SCAF4: variants seen among roughly 807,000 people sequenced by gnomAD.
The protein encoded by SCAF4 is SR-related and CTD-associated factor 4.
A neutral mutation model predicts 129.8 loss-of-function variants in SCAF4; 25 were observed. The ratio of observed to expected loss-of-function variants is 0.19; its 90% CI spans 0.14 to 0.27. The LOEUF is 0.27. Ranked by LOEUF, SCAF4 falls within the 10% of genes least tolerant of loss-of-function variation. The pLI, the probability that SCAF4 is intolerant of heterozygous loss-of-function variation, is 1.00. For synonymous variants in SCAF4, 551 were observed against 497.7 expected, an observed-to-expected ratio of 1.11 and a Z score of -1.43; for missense variants, 1,246 against 1,457.1, an observed-to-expected ratio of 0.86 and a Z score of 2.36.
intron 5 of SCAF4, 135 bp downstream of exon 5, chr21:31,702,109 G>A (rs1185259311): frequency 7.3e-7 from 1 of 1,364,656 alleles, no homozygotes; most frequent in African/African-American, 1.5e-5. Context: ...ATTATGGAAA[G>A]AAAATCATAC....
chr21:31,694,133 A>G (rs936855338), intron 11 of SCAF4, 71 bp downstream of exon 11: 1 of 818,088 alleles, frequency 1.2e-6, no homozygotes, highest in African/African-American at 1.7e-5. Flanking sequence ...TCTGAAAATA[A>G]CCCAATCTAA....
intron 1 of SCAF4, among the ~76,000 whole-genome samples, chr21:31,731,048 T>C (rs1209970136): frequency 6.6e-6 from 1 of 152,224 alleles, no homozygotes; most frequent in Non-Finnish European, 1.5e-5. Context: ...CTTTAAATTA[T>C]AACGAGCCAC....
In SCAF4 at chr21:31,717,906, C is replaced by CACATATAT. The variant is rs1432809680; in HGVS notation, c.31-11550_31-11549insATATATGT. Among the ~76,000 whole-genome samples the CACATATAT allele has an allele frequency of 2.7e-3, 120 of 44,100 alleles. 1 individual carries two copies. The highest frequency in any genetic ancestry group is 8.3e-3 in the African/African-American group (115 of 13,818). 28.9% of individuals were successfully genotyped at this position (44,100 alleles called of 152,430 possible). On this transcript the variant is annotated intron_variant, in intron 1 of 19. Coordinates refer to ENST00000286835, the MANE Select transcript of SCAF4 (RefSeq NM_020706.2). ...ATATACACATATATACACATATATA[C>CACATATAT]ACACACACACACACACACACACACA...
intron 1 of SCAF4, among the ~76,000 whole-genome samples, chr21:31,708,068 GCTCA>G (rs763169337): frequency 1.3e-3 from 195 of 152,150 alleles, no homozygotes; most frequent in Admixed American, 3.3e-3. Context: ...AGAATAAAAC[GCTCA>G]CTAACTGAAA....
At chr21:31,704,852 T>C (rs908792582) in intron 3 of SCAF4, among the ~76,000 whole-genome samples, 1 of 152,212 alleles carries the variant, frequency 6.6e-6, no homozygotes, top group South Asian at 2.1e-4. Flanking sequence ...TTAACTTTTA[T>C]ACCTAAGCCA....
intron 19 of SCAF4, among the ~76,000 whole-genome samples, chr21:31,679,098 G>C (rs73351380): frequency 0.023 from 3,528 of 152,208 alleles, 125 homozygotes; most frequent in African/African-American, 0.08. Flanking sequence ...TTCCCAGGGT[G>C]GTAAGAATCT....
At position 31,729,944 on chromosome 21, in the gene SCAF4, A is replaced by C. The variant is rs917857247; in HGVS notation, c.30+1719T>G. ...TGATGTCAACTTCCATAATGCCTGA[A>C]TCAGAATACTTCTGATCTTAAGAAT... is the stretch of plus-strand genomic sequence containing the variant. On this transcript the variant is annotated intron_variant, in intron 1 of 19. Transcript: ENST00000286835. Among the ~76,000 whole-genome samples the C allele has an allele frequency of 5.3e-5, 8 of 152,356 alleles. No individual in the cohort carries two copies. The East Asian group carries it at 7.7e-4, about 15-fold the overall frequency.
intron 16 of SCAF4, among the ~76,000 whole-genome samples, chr21:31,687,688 T>G (rs142247476): frequency 6.8e-5 from 10 of 147,818 alleles, no homozygotes; most frequent in African/African-American, 2.5e-4. Flanking sequence ...CATATCCAAG[T>G]TTCTTCAGGA....
At chr21:31,711,876 T>G (rs1458351351) in intron 1 of SCAF4, among the ~76,000 whole-genome samples, 1 of 152,094 alleles carries the variant, frequency 6.6e-6, no homozygotes, top group African/African-American at 2.4e-5. Flanking sequence ...AAGCAACAAG[T>G]TAGAGGCGAT....
chr21:31,688,108 C>G (rs542432432), intron 16 of SCAF4, among the ~76,000 whole-genome samples, 199 bp downstream of exon 16: 18 of 34,120 alleles, frequency 5.3e-4, no homozygotes, highest in African/African-American at 3.5e-3. Flanking sequence ...AAGAGAGACT[C>G]TGTCTCAAAA....
rs2049725714 is a variant in SCAF4 at position 31,672,211 on chromosome 21, G to A, written c.2632C>T (p.Pro878Ser). 1.9e-6 allele frequency: 3 copies of A among 1,609,800 alleles called. No individual in the cohort carries two copies. The highest frequency in any genetic ancestry group is 2.5e-6 in the Non-Finnish European group (3 of 1,177,720). ...PHLQRFPLMP[P>S]RPMPPHMMHR... The stretch of plus-strand genomic sequence containing the variant: ...ATCATGTGCGGTGGCATGGGACGGG[G>A]CGGCATCAAAGGGAACCGCTGTAAG... Residue 878 changes from proline (P) to serine (S), a missense_variant, in exon 20 of 20, where the codon CCC (proline) becomes TCC (serine). Physicochemically the swap from Pro to Ser is moderately conservative, Grantham distance 74. Around this residue, in one of 6 missense-constraint regions of SCAF4, gnomAD observed 468 missense variants for 605.5 expected, o/e 0.77. Coordinates refer to ENST00000286835, the MANE Select transcript of SCAF4 (RefSeq NM_020706.2).
intron 3 of SCAF4, among the ~76,000 whole-genome samples, chr21:31,704,877 T>C (rs2050619200): frequency 1.3e-5 from 2 of 152,190 alleles, no homozygotes; most frequent in Non-Finnish European, 2.9e-5. Context: ...ACAAGGGCCA[T>C]GGATTAGAGA....
At chr21:31,696,811 T>TGCGTGAGCCAGTTTC in intron 7 of SCAF4, 61 bp from the exon 8 acceptor site, 1 of 1,419,794 alleles carries the variant, frequency 7.0e-7, no homozygotes, top group East Asian at 2.3e-5. Flanking sequence ...CACAAAAAAC[T>TGCGTGAGCCAGTTTC]TTATGAAAAC....
intron 1 of SCAF4, chr21:31,706,867 T>C (rs1444919685): frequency 1.8e-5 from 5 of 278,058 alleles, no homozygotes; most frequent in Admixed American, 8.4e-5. Flanking sequence ...CCAAGTCTAC[T>C]CAGTACATAC....
In SCAF4 at chr21:31,688,114, C is replaced by CAAAAAA. The variant is rs61592268; in HGVS notation, c.2043+187_2043+192dup. 9.3e-3 allele frequency among the ~76,000 whole-genome samples: 101 copies of CAAAAAA among 10,902 alleles called. 19 individuals are homozygous for CAAAAAA. The highest frequency in any genetic ancestry group is 0.022 in the African/African-American group (71 of 3,178). The allele number at this position is 10,902 out of a possible 152,430, so 7.2% of individuals were successfully genotyped here. On this transcript the variant is annotated intron_variant, in intron 16 of 19. Coordinates refer to ENST00000286835, the MANE Select transcript of SCAF4 (RefSeq NM_020706.2). ...TGGGCAACAAAGAGAGACTCTGTCT[C>CAAAAAA]AAAAAAAAAAAAAAAAAAAAAAAAA...
At chr21:31,694,370 T>A in intron 10 of SCAF4, 81 bp from the exon 11 acceptor site, 1 of 870,960 alleles carries the variant, frequency 1.1e-6, no homozygotes, top group Non-Finnish European at 1.8e-6. Flanking sequence ...AAAGCTATAT[T>A]AAAAATCTCC....
At chr21:31,719,980 C>T (rs1054994398) in intron 1 of SCAF4, among the ~76,000 whole-genome samples, 1 of 152,226 alleles carries the variant, frequency 6.6e-6, no homozygotes, top group Non-Finnish European at 1.5e-5. Context: ...TCCACAACTT[C>T]TTCCTTTTCA....
rs148475690 is a variant in SCAF4 at position 31,696,894 on chromosome 21, C to A, written c.778-144G>T. 454 of 659,940 alleles carry A rather than the reference C, an allele frequency of 6.9e-4. 1 individual carries two copies. The East Asian group carries it at 0.012, about 17-fold the overall frequency. 40.9% of individuals were successfully genotyped at this position (659,940 alleles called of 1,614,324 possible). Reference sequence around the variant, plus strand: ...TTATTTTCCCTTATGCCCCTCAGGACCTTGGTTTGTAGATATAAACAATTT... The same window carrying A: ...TTATTTTCCCTTATGCCCCTCAGGAACTTGGTTTGTAGATATAAACAATTT... On this transcript the variant is annotated intron_variant, in intron 7 of 19. Transcript: ENST00000286835.
At position 31,678,469 on chromosome 21, in the gene SCAF4, C is replaced by T. The variant is rs147073369; in HGVS notation, c.2489-6115G>A. ...ACAGCATCAGAACCGGTCTCCTTTC[C>T]ACTCTTACCAACTTCTAGAGTCTGT... On this transcript the variant is annotated intron_variant, in intron 19 of 19. Coordinates refer to ENST00000286835, the MANE Select transcript of SCAF4 (RefSeq NM_020706.2). 2.3e-4 allele frequency among the ~76,000 whole-genome samples: 35 copies of T among 151,948 alleles called. 1 individual carries two copies. Among genetic ancestry groups the T allele is most frequent in the Non-Finnish European group, 4.0e-4 (27 of 67,862 alleles).
Sources: gnomAD v4.1 joint callset for allele counts (sites outside exome capture counted in the v4.1 genomes callset) on GRCh38, gnomAD v4.1.1 for gene constraint, gnomAD v4.1.1 regional missense constraint, MANE v1.5 for transcripts, NCBI Gene and HGNC (gene_info 2026-07-23, HGNC 2026-07-21) for gene names.